The following KIF26B variants were observed in gnomAD, a reference collection of about 807,000 sequenced individuals.
The protein encoded by KIF26B is kinesin family member 26B.
KIF26B carries 63 observed loss-of-function variants against 151.2 expected under a neutral mutation model. That is an observed-to-expected ratio of 0.42 (90% CI 0.34 to 0.51). KIF26B has a LOEUF of 0.51. Among genes scored for constraint, KIF26B ranks in the 20% least tolerant of loss-of-function variants. The pLI is 0.07. For missense variants in KIF26B, 2,813 were observed against 2,913.6 expected, an observed-to-expected ratio of 0.97 and a Z score of 0.79; for synonymous variants, 1,357 against 1,262.1, an observed-to-expected ratio of 1.08 and a Z score of -1.59.
intron 5 of KIF26B, among the ~76,000 whole-genome samples, chr1:245,600,705 C>T (rs2043387105): frequency 6.6e-6 from 1 of 152,034 alleles, no homozygotes; most frequent in African/African-American, 2.4e-5. Context: ...GGGCGTGGCA[C>T]CCATGCCTGT....
rs1670277345 is a variant in KIF26B at position 245,244,534 on chromosome 1, G to A, written c.465+87851G>A. 6.6e-6 allele frequency among the ~76,000 whole-genome samples: 1 copy of A among 152,084 alleles called. No homozygotes were observed. The highest frequency in any genetic ancestry group is 1.5e-5 in the Non-Finnish European group (1 of 68,030). On this transcript the variant is annotated intron_variant, in intron 2 of 14. Transcript: ENST00000407071. The surrounding 1 kb of genome is among the most constrained non-coding windows in gnomAD (Gnocchi z 4.2). ...GACCAATTTTATTGTACTTAGTCGA[G>A]TTCTAGAGGGAGCCAGGCCCAGAAA...
intron 2 of KIF26B, among the ~76,000 whole-genome samples, chr1:245,347,321 CT>C (rs1289145706): frequency 6.6e-6 from 1 of 150,626 alleles, no homozygotes; most frequent in Non-Finnish European, 1.5e-5. Context: ...TTCTTTCTTT[CT>C]TTTTTTTTAG....
At chr1:245,580,070 C>T (rs959122092) in intron 5 of KIF26B, among the ~76,000 whole-genome samples, 1 of 152,118 alleles carries the variant, frequency 6.6e-6, no homozygotes, top group Non-Finnish European at 1.5e-5. Context: ...TGTACCGTGC[C>T]GATAATCACT....
intron 5 of KIF26B, among the ~76,000 whole-genome samples, chr1:245,570,810 C>T (rs1411206880): frequency 2.0e-5 from 3 of 152,210 alleles, no homozygotes; most frequent in African/African-American, 4.8e-5. Context: ...GATGCTCAAA[C>T]TGAAATTGTT....
intron 3 of KIF26B, among the ~76,000 whole-genome samples, chr1:245,387,530 C>G (rs949772910): frequency 1.1e-4 from 17 of 152,058 alleles, no homozygotes; most frequent in Non-Finnish European, 1.8e-4. Context: ...AAGAACCTGA[C>G]TATCAAAAAC....
At chr1:245,388,554 C>T (rs1673608395) in intron 3 of KIF26B, among the ~76,000 whole-genome samples, 1 of 152,170 alleles carries the variant, frequency 6.6e-6, no homozygotes, top group African/African-American at 2.4e-5. Context: ...TCCCCATAAA[C>T]AGGAGTGTGA....
chr1:245,344,215 G>T, intron 2 of KIF26B, among the ~76,000 whole-genome samples: 1 of 144,784 alleles, frequency 6.9e-6, no homozygotes, highest in Non-Finnish European at 1.5e-5. Flanking sequence ...TTCTCTCCCT[G>T]TTTCTCTGTC....
At chr1:245,346,287 C>G (rs534056963) in intron 2 of KIF26B, among the ~76,000 whole-genome samples, 1 of 152,086 alleles carries the variant, frequency 6.6e-6, no homozygotes, top group East Asian at 1.9e-4. Context: ...CTAATACAGT[C>G]CCTTTACCTT....
intron 3 of KIF26B, among the ~76,000 whole-genome samples, chr1:245,380,077 A>G (rs1673372280): frequency 6.6e-6 from 1 of 152,122 alleles, no homozygotes; most frequent in African/African-American, 2.4e-5. Context: ...ATGAATTAGC[A>G]TGCCTTTATC....
At chr1:245,473,655 T>C (rs1659965547) in intron 4 of KIF26B, among the ~76,000 whole-genome samples, 1 of 151,984 alleles carries the variant, frequency 6.6e-6, no homozygotes, top group African/African-American at 2.4e-5. Flanking sequence ...TCTTGGTATA[T>C]AGCTCTAAAT....
intron 4 of KIF26B, among the ~76,000 whole-genome samples, chr1:245,428,567 C>G (rs892078488): frequency 2.0e-5 from 3 of 152,176 alleles, no homozygotes; most frequent in Non-Finnish European, 4.4e-5. Context: ...CAGCAACCCC[C>G]AACTGTTCTG....
intron 4 of KIF26B, among the ~76,000 whole-genome samples, chr1:245,498,437 T>C (rs1247132763): frequency 6.6e-6 from 1 of 152,088 alleles, no homozygotes; most frequent in East Asian, 1.9e-4. Context: ...ATGCTGAAAA[T>C]AGAGCTTATG....
intron 4 of KIF26B, among the ~76,000 whole-genome samples, chr1:245,497,303 T>A (rs6688129): frequency 0.39 from 58,552 of 152,040 alleles, 12,011 homozygotes; most frequent in East Asian, 0.79. Flanking sequence ...AAAAATCAGT[T>A]AGGAGAGAAG....
rs147192662 is a variant in KIF26B, at chr1:245,210,577, T to C, written c.465+53894T>C. Among the ~76,000 whole-genome samples the C allele has an allele frequency of 3.4e-5, 5 of 147,876 alleles. No homozygotes were observed. In the East Asian group the frequency reaches 9.8e-4, roughly 29 times the overall value. ...TTTTTTCCCCAAGGAGGAAAAAACG[T>C]ATTTTAAAATACAACATGAAGTGAG... On this transcript the variant is annotated intron_variant, in intron 2 of 14. Transcript: ENST00000407071.
intron 2 of KIF26B, among the ~76,000 whole-genome samples, chr1:245,344,426 C>A (rs1421879595): frequency 1.5e-5 from 2 of 136,618 alleles, no homozygotes; most frequent in East Asian, 4.5e-4. Context: ...ACCCGGAGGG[C>A]GGAGCCTGCA....
intron 9 of KIF26B, among the ~76,000 whole-genome samples, chr1:245,627,372 T>A (rs1338863420): frequency 2.0e-5 from 3 of 152,124 alleles, no homozygotes; most frequent in Non-Finnish European, 2.9e-5. Context: ...CACAACTACA[T>A]GGAAATTGAA....
At chr1:245,262,820 G>A (rs76813560) in intron 2 of KIF26B, among the ~76,000 whole-genome samples, 1 of 152,164 alleles carries the variant, frequency 6.6e-6, no homozygotes, top group African/African-American at 2.4e-5. Flanking sequence ...TTTTTAGAAG[G>A]ATGAAAGACA....
intron 9 of KIF26B, among the ~76,000 whole-genome samples, chr1:245,616,414 A>G (rs1715789): frequency 0.68 from 102,994 of 152,100 alleles, 35,146 homozygotes; most frequent in East Asian, 0.9. Flanking sequence ...GCTGCTTCTC[A>G]TAACGACGCG....
intron 3 of KIF26B, among the ~76,000 whole-genome samples, chr1:245,419,120 T>G (rs757391572): frequency 2.2e-4 from 33 of 152,160 alleles, no homozygotes; most frequent in Non-Finnish European, 1.9e-4. Context: ...CCAAATACCG[T>G]TGTATTTTGA....
Sources: allele counts gnomAD v4.1 joint callset (sites outside exome capture counted in the v4.1 genomes callset), GRCh38; gene constraint gnomAD v4.1.1; non-coding constraint Gnocchi (gnomAD v3.1); transcripts MANE v1.5; gene names NCBI Gene and HGNC (gene_info 2026-07-23, HGNC 2026-07-21).